ALK: variants seen among roughly 807,000 people sequenced by gnomAD.
ALK encodes ALK tyrosine kinase receptor.
Under a neutral mutation model 163.1 loss-of-function variants are expected in ALK, and 74 were observed. That is an observed-to-expected ratio of 0.45 (90% CI 0.38 to 0.55). The LOEUF (loss-of-function observed/expected upper bound fraction) is 0.55, where lower values mean the gene tolerates loss of function less well. Ranked by LOEUF, ALK falls within the 20% of genes least tolerant of loss-of-function variation. ALK has a pLI of 0.00. For synonymous variants in ALK, 960 were observed against 843.2 expected, an observed-to-expected ratio of 1.14 and a Z score of -2.40; for missense variants, 2,063 against 2,105.3, an observed-to-expected ratio of 0.98 and a Z score of 0.39.
At chr2:29,454,955 A>C (rs893270340) in intron 4 of ALK, among the ~76,000 whole-genome samples, 6 of 152,202 alleles carry the variant, frequency 3.9e-5, no homozygotes, top group African/African-American at 1.4e-4. Context: ...CAGATGAGGA[A>C]GCGGGCTCAG....
intron 3 of ALK, among the ~76,000 whole-genome samples, chr2:29,550,036 C>T (rs1030855620): frequency 1.3e-5 from 2 of 152,098 alleles, no homozygotes; most frequent in African/African-American, 4.8e-5. Flanking sequence ...TGGCTCTTCC[C>T]GCTAAACTAG....
At chr2:29,670,214 A>G (rs565310107) in intron 3 of ALK, among the ~76,000 whole-genome samples, 32 of 152,236 alleles carry the variant, frequency 2.1e-4, no homozygotes, top group African/African-American at 7.5e-4. Context: ...GTGGTCATGA[A>G]GTTTCTCAGC....
intron 9 of ALK, among the ~76,000 whole-genome samples, chr2:29,286,138 G>A (rs553210696): frequency 6.6e-6 from 1 of 152,280 alleles, no homozygotes; most frequent in East Asian, 1.9e-4. Flanking sequence ...TCATCTGACT[G>A]CTCCTGTATC....
chr2:29,355,488 A>G (rs1270925471), intron 5 of ALK, among the ~76,000 whole-genome samples: 1 of 151,982 alleles, frequency 6.6e-6, no homozygotes, highest in Non-Finnish European at 1.5e-5. Context: ...CCCACCACAC[A>G]CAGACACACA....
chr2:29,507,009 A>C (rs779515419), intron 4 of ALK, among the ~76,000 whole-genome samples: 4 of 152,220 alleles, frequency 2.6e-5, no homozygotes, highest in Non-Finnish European at 5.9e-5. Context: ...AGGATCCAGC[A>C]ATTCCACTTC....
At chr2:29,333,080 G>T (rs1230831239) in intron 5 of ALK, among the ~76,000 whole-genome samples, 1 of 151,958 alleles carries the variant, frequency 6.6e-6, no homozygotes, top group Non-Finnish European at 1.5e-5. Context: ...GTTTTATTTT[G>T]GATTTCTTTG....
intron 1 of ALK, among the ~76,000 whole-genome samples, chr2:29,840,982 G>A (rs544086492): frequency 6.6e-6 from 1 of 152,142 alleles, no homozygotes; most frequent in African/African-American, 2.4e-5. Context: ...TAACTCAATG[G>A]CCATCAAACA....
At position 29,909,474 on chromosome 2, in the gene ALK, GACAGAC is replaced by G. The variant is rs1340872174; in HGVS notation, c.667+10513_667+10518del. Among the ~76,000 whole-genome samples the G allele has an allele frequency of 3.6e-3, 473 of 131,010 alleles. 2 individuals are homozygous for G. Among genetic ancestry groups the G allele is most frequent in the Non-Finnish European group, 4.0e-3 (253 of 63,142 alleles). The allele number at this position is 131,010 out of a possible 152,430, so 85.9% of individuals were successfully genotyped here. On this transcript the variant is annotated intron_variant, in intron 1 of 28. Coordinates refer to ENST00000389048, the MANE Select transcript of ALK (RefSeq NM_004304.5). ...ACACATACACACACAGAGAGAGACA[GACAGAC>G]AGAGAGAGAGAGAGAGAGAGAGAGA...
At chr2:29,360,987 G>A (rs1430992806) in intron 5 of ALK, among the ~76,000 whole-genome samples, 1 of 152,206 alleles carries the variant, frequency 6.6e-6, no homozygotes, top group Admixed American at 6.5e-5. Flanking sequence ...ATGCAGAGAT[G>A]CAGAGATGCA....
chr2:29,406,645 T>C (rs921499659), intron 4 of ALK, among the ~76,000 whole-genome samples: 1 of 152,118 alleles, frequency 6.6e-6, no homozygotes, highest in African/African-American at 2.4e-5. Context: ...ATCACGCCTG[T>C]AATTCCAGCA....
chr2:29,564,136 C>T (rs920549799), intron 3 of ALK, among the ~76,000 whole-genome samples: 2 of 152,206 alleles, frequency 1.3e-5, no homozygotes, highest in Non-Finnish European at 2.9e-5. Flanking sequence ...CACCTTGTCT[C>T]TTGACTTACT....
intron 3 of ALK, among the ~76,000 whole-genome samples, chr2:29,676,919 C>T (rs1434334582): frequency 2.0e-5 from 3 of 151,280 alleles, no homozygotes; most frequent in East Asian, 1.9e-4. Flanking sequence ...TTTCTTAATT[C>T]CCTTTTGGAA....
intron 1 of ALK, among the ~76,000 whole-genome samples, chr2:29,728,924 T>C (rs989010835): frequency 6.6e-6 from 1 of 152,230 alleles, no homozygotes; most frequent in African/African-American, 2.4e-5. Context: ...AAATGCCTGC[T>C]GCCTTCTCCT....
chr2:29,730,073 C>T (rs1047755757), intron 1 of ALK, among the ~76,000 whole-genome samples: 8 of 152,188 alleles, frequency 5.3e-5, no homozygotes, highest in Non-Finnish European at 8.8e-5. Context: ...TGCACCCTGG[C>T]ACACAGATGC....
At chr2:29,504,849 C>A (rs1406553185) in intron 4 of ALK, among the ~76,000 whole-genome samples, 2 of 152,092 alleles carry the variant, frequency 1.3e-5, no homozygotes, top group African/African-American at 4.8e-5. Context: ...GCCATTACTT[C>A]CAACGGGAAA....
At chr2:29,811,413 A>G (rs11694445) in intron 1 of ALK, among the ~76,000 whole-genome samples, 103,266 of 152,024 alleles carry the variant, frequency 0.68, 35,541 homozygotes, top group South Asian at 0.78. Flanking sequence ...TTGGGTCATC[A>G]TAATGTCAAG....
At chr2:29,517,683 C>T (rs1444726996) in intron 4 of ALK, among the ~76,000 whole-genome samples, 1 of 152,174 alleles carries the variant, frequency 6.6e-6, no homozygotes, top group Non-Finnish European at 1.5e-5. Context: ...AGAATTATCT[C>T]ATCAAATCAC....
At chr2:29,705,503 A>T (rs1477357798) in intron 2 of ALK, among the ~76,000 whole-genome samples, 1 of 151,578 alleles carries the variant, frequency 6.6e-6, no homozygotes, top group African/African-American at 2.4e-5. Flanking sequence ...GCTAGAACAG[A>T]CATCCTTCTT....
intron 4 of ALK, among the ~76,000 whole-genome samples, chr2:29,416,734 C>T (rs952123425): frequency 2.0e-5 from 3 of 152,122 alleles, no homozygotes; most frequent in Non-Finnish European, 4.4e-5. Context: ...TGAGGTACTA[C>T]AGTAGTCAGA....
Sources: allele counts gnomAD v4.1 joint callset (sites outside exome capture counted in the v4.1 genomes callset), GRCh38; gene constraint gnomAD v4.1.1; transcripts MANE v1.5; gene names NCBI Gene and HGNC (gene_info 2026-07-23, HGNC 2026-07-21).